The following NGEF variants were observed in gnomAD, a reference collection of about 807,000 sequenced individuals.
The protein encoded by NGEF is ephexin-1.
NGEF carries 31 observed loss-of-function variants against 80.9 expected under a neutral mutation model. That is an observed-to-expected ratio of 0.38 (90% confidence interval 0.29 to 0.52). The LOEUF is 0.52. Ranked by LOEUF, NGEF falls within the 20% of genes least tolerant of loss-of-function variation. The pLI, the probability that NGEF is intolerant of heterozygous loss-of-function variation, is 0.84. For missense variants in NGEF, 709 were observed against 926.2 expected (o/e 0.77, Z 3.04); for synonymous variants, 371 against 370.2 (o/e 1.00, Z -0.03).
intron 3 of NGEF, among the ~76,000 whole-genome samples, chr2:232,952,026 G>C (rs906298482): frequency 1.3e-5 from 2 of 152,264 alleles, no homozygotes; most frequent in Non-Finnish European, 2.9e-5. Flanking sequence ...GGCGTGGTGT[G>C]GTCCAGGGAT....
At chr2:232,897,197 G>C (rs114947555) in intron 5 of NGEF, among the ~76,000 whole-genome samples, 3,853 of 151,674 alleles carry the variant, frequency 0.025, 183 homozygotes, top group African/African-American at 0.089. Context: ...TCCTTTTAGG[G>C]CCGCCCTCCG....
At chr2:233,005,301 T>C (rs928111074) in intron 1 of NGEF, among the ~76,000 whole-genome samples, 1 of 151,892 alleles carries the variant, frequency 6.6e-6, no homozygotes, top group Non-Finnish European at 1.5e-5. Flanking sequence ...ACATGGAGAG[T>C]GCAGTGGGGG....
chr2:232,981,912 T>C (rs1320467769), intron 1 of NGEF, among the ~76,000 whole-genome samples: 1 of 152,158 alleles, frequency 6.6e-6, no homozygotes, highest in Non-Finnish European at 1.5e-5. Context: ...CTCTAGGTGC[T>C]GGGGACAGCT....
At chr2:232,946,728 G>A (rs1455677633) in intron 3 of NGEF, among the ~76,000 whole-genome samples, 1 of 152,200 alleles carries the variant, frequency 6.6e-6, no homozygotes, top group African/African-American at 2.4e-5. Flanking sequence ...AGCATGCTGT[G>A]TCTGAAAGCA....
chr2:233,005,592 C>A (rs915753590), intron 1 of NGEF, among the ~76,000 whole-genome samples: 1 of 152,132 alleles, frequency 6.6e-6, no homozygotes, highest in Admixed American at 6.6e-5. Flanking sequence ...GCAGAAGAGT[C>A]AGAGAGAGGT....
intron 5 of NGEF, among the ~76,000 whole-genome samples, chr2:232,904,415 G>A (rs1425480390): frequency 6.6e-6 from 1 of 152,196 alleles, no homozygotes; most frequent in African/African-American, 2.4e-5. Context: ...TTTTAGTAGA[G>A]ACAAGGTTTC....
At chr2:233,004,448 T>C (rs567020698) in intron 1 of NGEF, among the ~76,000 whole-genome samples, 94 of 152,314 alleles carry the variant, frequency 6.2e-4, no homozygotes, top group African/African-American at 1.9e-3. Flanking sequence ...TCCAGGCTGA[T>C]CTGGGCTAGG....
In NGEF at chr2:232,899,956, TCA is replaced by T. The variant is rs1425827066; in HGVS notation, c.829-5042_829-5041del. Among the ~76,000 whole-genome samples the T allele has an allele frequency of 1.2e-3, 146 of 126,534 alleles. 9 individuals carry two copies. Among genetic ancestry groups the T allele is most frequent in the African/African-American group, 4.2e-3 (127 of 30,506 alleles). The allele number at this position is 126,534 out of a possible 152,430, so 83.0% of individuals were successfully genotyped here. A position where few individuals can be genotyped will look rare whatever the true frequency, so the allele number is the denominator to read the frequency against. On this transcript the variant is annotated intron_variant, in intron 5 of 14. Transcript: ENST00000264051. ...CTCACATTCACTTACACACATGCTCTCACAGTCACTCATATACACATTCACTC... is the reference window on the plus strand; with the variant it reads ...CTCACATTCACTTACACACATGCTCTCAGTCACTCATATACACATTCACTC...
At chr2:232,994,491 C>T (rs1323644697) in intron 1 of NGEF, among the ~76,000 whole-genome samples, 1 of 151,934 alleles carries the variant, frequency 6.6e-6, no homozygotes, top group Non-Finnish European at 1.5e-5. Flanking sequence ...CCTAAGTAAA[C>T]TCCAAAGGAA....
At chr2:232,902,495 G>A (rs968702366) in intron 5 of NGEF, among the ~76,000 whole-genome samples, 6 of 152,114 alleles carry the variant, frequency 3.9e-5, no homozygotes, top group Admixed American at 3.3e-4. Flanking sequence ...CATATTCAAC[G>A]CAGCCATGGG....
chr2:232,999,035 G>C (rs1694916823), intron 1 of NGEF, among the ~76,000 whole-genome samples: 1 of 152,144 alleles, frequency 6.6e-6, no homozygotes, highest in African/African-American at 2.4e-5. Flanking sequence ...CGGAACAGCA[G>C]GCAGAAGGGA....
At chr2:232,912,852 C>T (rs927886341) in intron 5 of NGEF, among the ~76,000 whole-genome samples, 2 of 152,046 alleles carry the variant, frequency 1.3e-5, no homozygotes, top group African/African-American at 4.8e-5. Flanking sequence ...TTCATCATGT[C>T]TCCTTTTTTG....
chr2:232,929,311 C>T (rs945449163), intron 3 of NGEF, among the ~76,000 whole-genome samples: 8 of 152,216 alleles, frequency 5.3e-5, no homozygotes, highest in Admixed American at 3.9e-4. Context: ...TTAATGGATC[C>T]TTAACCAGTC....
intron 3 of NGEF, among the ~76,000 whole-genome samples, chr2:232,956,861 C>T (rs769445386): frequency 4.1e-5 from 6 of 148,072 alleles, no homozygotes; most frequent in African/African-American, 1.0e-4. Context: ...AAAATAAAAG[C>T]GCATAAGAAG....
chr2:232,883,421 A>G lies in NGEF; in HGVS notation c.1647T>C (p.Arg549=). 6.2e-7 allele frequency: 1 copy of G among 1,610,274 alleles called. No homozygotes were observed. The highest frequency in any genetic ancestry group is 8.5e-7 in the Non-Finnish European group (1 of 1,178,526). Residue 549 remains arginine, a synonymous_variant, in exon 12 of 15, where the codon CGT becomes CGC. Transcript: ENST00000264051. ...VFDSAPRGLL[R]VEELEDQGQT... is the part of the protein sequence containing the mutation. Reference sequence around the variant, plus strand: ...GGCCCTGGTCCTCCAGCTCCTCCACACGCAGCAGTCCCCGCGGAGCTGAGT... The same window carrying G: ...GGCCCTGGTCCTCCAGCTCCTCCACGCGCAGCAGTCCCCGCGGAGCTGAGT...
intron 3 of NGEF, among the ~76,000 whole-genome samples, chr2:232,949,728 C>T (rs1693641097): frequency 1.5e-5 from 2 of 135,030 alleles, no homozygotes; most frequent in Non-Finnish European, 3.1e-5. Flanking sequence ...ATCTGCCTGC[C>T]TCAGACTCCC....
chr2:232,986,056 T>C (rs536202697), intron 1 of NGEF, among the ~76,000 whole-genome samples: 32 of 152,218 alleles, frequency 2.1e-4, no homozygotes, highest in Admixed American at 3.9e-4. Flanking sequence ...AGATTGACTT[T>C]TGCTTTAAAA....
chr2:232,939,701 A>C (rs1382389194), intron 3 of NGEF, among the ~76,000 whole-genome samples: 2 of 152,190 alleles, frequency 1.3e-5, no homozygotes, highest in Non-Finnish European at 2.9e-5. Context: ...TAATTATTCA[A>C]GAATTTGGTG....
intron 5 of NGEF, among the ~76,000 whole-genome samples, chr2:232,909,572 A>G (rs757929083): frequency 6.6e-6 from 1 of 152,204 alleles, no homozygotes; most frequent in Non-Finnish European, 1.5e-5. Context: ...GCATAATAAA[A>G]TTATCATGCA....
Sources: allele counts gnomAD v4.1 joint callset (sites outside exome capture counted in the v4.1 genomes callset), GRCh38; gene constraint gnomAD v4.1.1; transcripts MANE v1.5; gene names NCBI Gene and HGNC (gene_info 2026-07-23, HGNC 2026-07-21).